Variants in NTRK2 observed in about 807,000 individuals in gnomAD.
NTRK2 encodes BDNF/NT-3 growth factors receptor.
NTRK2 carries 13 observed loss-of-function variants against 94.5 expected under a neutral mutation model. That is an observed-to-expected ratio of 0.14 (90% CI 0.09 to 0.22). The LOEUF is 0.22. NTRK2 is among the 10% of genes least tolerant of loss of function. NTRK2 has a pLI of 1.00. For synonymous variants in NTRK2, 372 were observed against 407.4 expected (o/e 0.91, Z 1.05); for missense variants, 639 against 1,071.2 (o/e 0.60, Z 5.63).
In NTRK2 at chr9:84,707,994, G is replaced by A. The variant is rs531956109; in HGVS notation, c.428+82G>A. On this transcript the variant is annotated intron_variant, in intron 5 of 18. Transcript: ENST00000277120. ...AAGTATTTTTCTTTTAATGAGTGAT[G>A]TTGCAGATCTATTTTTATACCAAAT... The A allele has an allele frequency of 1.5e-5, 16 of 1,063,722 alleles. No individual in the cohort carries two copies. The African/African-American group carries it at 1.9e-4, about 12-fold the overall frequency. 65.9% of individuals were successfully genotyped at this position (1,063,722 alleles called of 1,614,324 possible). A position where few individuals can be genotyped will look rare whatever the true frequency, so the allele number is the denominator to read the frequency against.
intron 17 of NTRK2, among the ~76,000 whole-genome samples, chr9:85,011,710 C>G (rs772082481): frequency 6.6e-6 from 1 of 152,190 alleles, no homozygotes; most frequent in African/African-American, 2.4e-5. Context: ...GTCTGTGGAA[C>G]TTTCCTGTGG....
At chr9:84,797,265 C>T (rs184783781) in intron 12 of NTRK2, among the ~76,000 whole-genome samples, 303 of 151,874 alleles carry the variant, frequency 2.0e-3, no homozygotes, top group Non-Finnish European at 3.3e-3. Context: ...TGGAACACAC[C>T]GACTCATTTC....
intron 14 of NTRK2, chr9:84,875,340 C>T (rs9969767): frequency 0.02 from 20,969 of 1,060,004 alleles, 998 homozygotes; most frequent in East Asian, 0.19. Flanking sequence ...TAGCTGGCCA[C>T]GTCAGACTCT....
intron 17 of NTRK2, among the ~76,000 whole-genome samples, chr9:84,987,921 A>T (rs1489155565): frequency 6.6e-6 from 1 of 152,002 alleles, no homozygotes; most frequent in African/African-American, 2.4e-5. Context: ...TTCTTATTCA[A>T]CTCCTTAAAT....
intron 12 of NTRK2, among the ~76,000 whole-genome samples, chr9:84,852,302 G>T (rs574993214): frequency 3.3e-5 from 5 of 152,362 alleles, no homozygotes; most frequent in Middle Eastern, 3.4e-3. Context: ...TTTGGGACAT[G>T]TCTCAGGGAG....
intron 12 of NTRK2, among the ~76,000 whole-genome samples, chr9:84,834,145 G>A (rs1256653853): frequency 6.6e-6 from 1 of 152,132 alleles, no homozygotes; most frequent in South Asian, 2.1e-4. Flanking sequence ...CCTATCAAAA[G>A]CCTATCAATA....
chr9:84,823,582 G>A lies in NTRK2; in HGVS notation c.1397-37458G>A, dbSNP rs559332157. On this transcript the variant is annotated intron_variant, in intron 12 of 18. Coordinates refer to ENST00000277120, the MANE Select transcript of NTRK2 (RefSeq NM_006180.6). ...ACTACAGGTTGGGACAGTCCTGGGCGTCAGTAGCTGGGGTGGAGGAGAATG... is the reference window on the plus strand; with the variant it reads ...ACTACAGGTTGGGACAGTCCTGGGCATCAGTAGCTGGGGTGGAGGAGAATG... Among the ~76,000 whole-genome samples the A allele has an allele frequency of 3.3e-4, 50 of 152,354 alleles. No homozygotes were observed. In the South Asian group the frequency reaches 6.6e-3, roughly 20 times the overall value.
intron 12 of NTRK2, among the ~76,000 whole-genome samples, chr9:84,756,013 A>T: frequency 6.6e-6 from 1 of 152,204 alleles, no homozygotes; most frequent in East Asian, 1.9e-4. Context: ...GCAGAAGCCA[A>T]ATAATGCCCT....
intron 13 of NTRK2, among the ~76,000 whole-genome samples, chr9:84,862,511 G>C (rs950485056): frequency 1.3e-5 from 2 of 152,182 alleles, no homozygotes; most frequent in African/African-American, 4.8e-5. Flanking sequence ...CAAAAATGTG[G>C]TTTTACTGTT....
rs139375597 is a variant in NTRK2, at chr9:85,002,140, C to T, written c.2173-18066C>T. Among the ~76,000 whole-genome samples the T allele has an allele frequency of 8.2e-3, 1,253 of 152,252 alleles. 25 individuals are homozygous for T. The highest frequency in any genetic ancestry group is 0.028 in the African/African-American group (1,180 of 41,526). Reference sequence around the variant, plus strand: ...CACTATTCCCCTTGCAGTACTGCCTCATTACTTGGAAGGTGGTTTTTAGCC... The same window carrying T: ...CACTATTCCCCTTGCAGTACTGCCTTATTACTTGGAAGGTGGTTTTTAGCC... On this transcript the variant is annotated intron_variant, in intron 17 of 18. Coordinates refer to ENST00000277120, the MANE Select transcript of NTRK2 (RefSeq NM_006180.6).
intron 12 of NTRK2, among the ~76,000 whole-genome samples, chr9:84,827,448 C>T (rs763397746): frequency 5.3e-5 from 8 of 152,152 alleles, no homozygotes; most frequent in Non-Finnish European, 7.4e-5. Flanking sequence ...CTGGGTGCCA[C>T]GTGGGAATCT....
At chr9:84,720,510 C>T (rs2061991528) in intron 6 of NTRK2, among the ~76,000 whole-genome samples, 1 of 152,098 alleles carries the variant, frequency 6.6e-6, no homozygotes, top group Non-Finnish European at 1.5e-5. Flanking sequence ...CAGGTGGTAC[C>T]TAGTAAATTG....
chr9:84,718,556 A>G (rs2061857004), intron 6 of NTRK2, among the ~76,000 whole-genome samples: 1 of 152,154 alleles, frequency 6.6e-6, no homozygotes, highest in Admixed American at 6.5e-5. Flanking sequence ...ATCAAGAGAC[A>G]TTTACGCAGA....
Position 84,813,315 on chromosome 9 carries a change from A to T in NTRK2, c.1397-47725A>T, listed in dbSNP as rs199651451. The T allele has an allele frequency of 8.8e-6, 9 of 1,017,476 alleles. No individual in the cohort carries two copies. In the South Asian group the frequency reaches 4.3e-4, roughly 48 times the overall value. The allele number at this position is 1,017,476 out of a possible 1,614,324, so 63.0% of individuals were successfully genotyped here. A position where few individuals can be genotyped will look rare whatever the true frequency, so the allele number is the denominator to read the frequency against. On this transcript the variant is annotated intron_variant, in intron 12 of 18. Transcript: ENST00000277120. Reference sequence around the variant, plus strand: ...AGGTTTCCAAATCTTGTGATTCTTTAGGAGAAACATGAAACCTGGATTTCG... The same window carrying T: ...AGGTTTCCAAATCTTGTGATTCTTTTGGAGAAACATGAAACCTGGATTTCG...
At chr9:84,688,074 A>C (rs2059825911) in intron 2 of NTRK2, among the ~76,000 whole-genome samples, 2 of 152,146 alleles carry the variant, frequency 1.3e-5, no homozygotes, top group Non-Finnish European at 2.9e-5. Flanking sequence ...AGATGGATCC[A>C]AGGAAAAGGC....
chr9:84,787,188 C>T (rs992968902), intron 12 of NTRK2, among the ~76,000 whole-genome samples: 4 of 151,968 alleles, frequency 2.6e-5, no homozygotes, highest in African/African-American at 4.8e-5. Flanking sequence ...ATCCCAGCTA[C>T]GTGGGAGGCT....
intron 12 of NTRK2, among the ~76,000 whole-genome samples, chr9:84,779,106 A>G (rs1420307093): frequency 2.6e-5 from 4 of 152,194 alleles, no homozygotes; most frequent in African/African-American, 9.7e-5. Context: ...GATTTATAAA[A>G]TGCTTATCTT....
chr9:84,872,587 A>C (rs949465155), intron 14 of NTRK2: 2 of 1,063,508 alleles, frequency 1.9e-6, no homozygotes, highest in African/African-American at 3.3e-5. Context: ...TGGCAGAGGC[A>C]TGTAAAGTAT....
At chr9:84,700,498 G>A (rs942793949) in intron 2 of NTRK2, among the ~76,000 whole-genome samples, 4 of 152,188 alleles carry the variant, frequency 2.6e-5, no homozygotes, top group Non-Finnish European at 5.9e-5. Context: ...AGAAGCCGCC[G>A]TTCTATCTTG....
Sources: gnomAD v4.1 joint callset for allele counts (sites outside exome capture counted in the v4.1 genomes callset) on GRCh38, gnomAD v4.1.1 for gene constraint, MANE v1.5 for transcripts, NCBI Gene and HGNC (gene_info 2026-07-23, HGNC 2026-07-21) for gene names.